MACROD2: variants seen among roughly 807,000 people sequenced by gnomAD.
MACROD2 encodes ADP-ribose glycohydrolase MACROD2.
In MACROD2, 36 loss-of-function variants were observed where a neutral mutation model predicts 70.4. The observed-to-expected ratio is 0.51, with a 90% CI of 0.39 to 0.68. The LOEUF (loss-of-function observed/expected upper bound fraction) is 0.68, where lower values mean the gene tolerates loss of function less well. Among genes scored for constraint, MACROD2 ranks in the 30% least tolerant of loss-of-function variants. MACROD2 has a pLI of 0.00. For missense variants in MACROD2, 496 were observed against 538.4 expected (o/e 0.92, Z 0.78); for synonymous variants, 172 against 178.8 (o/e 0.96, Z 0.30).
intron 6 of MACROD2, among the ~76,000 whole-genome samples, chr20:15,304,219 G>A (rs1282449589): frequency 1.3e-5 from 2 of 152,052 alleles, no homozygotes; most frequent in African/African-American, 4.8e-5. Flanking sequence ...AATTGAATCT[G>A]GTGAAAGAAA....
At chr20:15,360,778 C>G (rs1484022200) in intron 6 of MACROD2, among the ~76,000 whole-genome samples, 2 of 151,988 alleles carry the variant, frequency 1.3e-5, no homozygotes, top group African/African-American at 4.8e-5. Flanking sequence ...CCTCAATAGT[C>G]TTAATTTGTG....
At chr20:15,231,738 T>C (rs2076960944) in intron 6 of MACROD2, among the ~76,000 whole-genome samples, 1 of 152,040 alleles carries the variant, frequency 6.6e-6, no homozygotes, top group South Asian at 2.1e-4. Context: ...TAAGTTAACT[T>C]TTTAACAGAT....
intron 10 of MACROD2, 31 bp downstream of exon 10, chr20:15,885,842 G>C: frequency 6.7e-7 from 1 of 1,488,420 alleles, no homozygotes; most frequent in Non-Finnish European, 8.9e-7. Context: ...TTATTAGGGG[G>C]TAGGTAGGGG....
chr20:15,238,473 C>A (rs1160926165), intron 6 of MACROD2, among the ~76,000 whole-genome samples: 1 of 151,930 alleles, frequency 6.6e-6, no homozygotes, highest in African/African-American at 2.4e-5. Flanking sequence ...AGTTGTCCAT[C>A]AATCAGAAGA....
intron 8 of MACROD2, among the ~76,000 whole-genome samples, chr20:15,829,006 A>G (rs141876502): frequency 6.6e-6 from 1 of 152,318 alleles, no homozygotes; most frequent in Non-Finnish European, 1.5e-5. Flanking sequence ...TTTACAAACA[A>G]TTCTTTTCAA....
At position 15,684,076 on chromosome 20, in the gene MACROD2, G is replaced by A. The variant is rs114996523; in HGVS notation, c.646-178669G>A. Reference sequence around the variant, plus strand: ...TACTTCCATTTTAAACTATCCTTCTGTGTGTTTAAATCGCTTTCCTCATTT... The same window carrying A: ...TACTTCCATTTTAAACTATCCTTCTATGTGTTTAAATCGCTTTCCTCATTT... On this transcript the variant is annotated intron_variant, in intron 8 of 17. Coordinates refer to ENST00000684519, the MANE Select transcript of MACROD2 (RefSeq NM_001351661.2). Among the ~76,000 whole-genome samples the A allele has an allele frequency of 2.6e-3, 389 of 152,232 alleles. 2 individuals are homozygous for A. Among genetic ancestry groups the A allele is most frequent in the African/African-American group, 9.1e-3 (379 of 41,522 alleles).
At chr20:14,862,361 A>T (rs868338753) in intron 5 of MACROD2, among the ~76,000 whole-genome samples, 1 of 20,000 alleles carries the variant, frequency 5.0e-5, no homozygotes, top group Non-Finnish European at 7.6e-5. Context: ...ATATATATAT[A>T]AATATATATA....
At chr20:14,924,117 T>C (rs982827255) in intron 5 of MACROD2, among the ~76,000 whole-genome samples, 2 of 152,148 alleles carry the variant, frequency 1.3e-5, no homozygotes, top group African/African-American at 2.4e-5. Flanking sequence ...AAATCTTGCT[T>C]TTTCATAAAA....
At chr20:15,798,362 G>A (rs979530) in intron 8 of MACROD2, among the ~76,000 whole-genome samples, 1 of 151,604 alleles carries the variant, frequency 6.6e-6, no homozygotes, top group Non-Finnish European at 1.5e-5. Flanking sequence ...TAGGATACCC[G>A]CTCTGCCCTG....
chr20:15,637,029 A>G (rs1332240719), intron 8 of MACROD2, among the ~76,000 whole-genome samples: 1 of 152,218 alleles, frequency 6.6e-6, no homozygotes, highest in Non-Finnish European at 1.5e-5. Context: ...GGAATGCTGC[A>G]GATAAGATTC....
intron 5 of MACROD2, among the ~76,000 whole-genome samples, chr20:15,101,951 T>C (rs1463886193): frequency 6.6e-6 from 1 of 152,040 alleles, no homozygotes; most frequent in Non-Finnish European, 1.5e-5. Context: ...CTAGAATGTC[T>C]TCCTATAAGT....
chr20:15,992,977 T>G (rs765791021), intron 15 of MACROD2, among the ~76,000 whole-genome samples: 4 of 152,168 alleles, frequency 2.6e-5, no homozygotes, highest in Non-Finnish European at 5.9e-5. Flanking sequence ...CATAATATTG[T>G]TTTACATATA....
At chr20:15,684,948 T>G (rs1407544373) in intron 8 of MACROD2, among the ~76,000 whole-genome samples, 4 of 152,180 alleles carry the variant, frequency 2.6e-5, no homozygotes, top group Admixed American at 2.6e-4. Flanking sequence ...TTTGGGACAC[T>G]CATTTATAAG....
chr20:15,915,363 G>A (rs536458662), intron 10 of MACROD2, among the ~76,000 whole-genome samples: 160 of 152,140 alleles, frequency 1.1e-3, no homozygotes, highest in Non-Finnish European at 1.9e-3. Flanking sequence ...TGAAACAAAA[G>A]ATGCTCTTAT....
In MACROD2 at chr20:14,954,177, A is replaced by G. The variant is rs375845005; in HGVS notation, c.418+269218A>G. Among the ~76,000 whole-genome samples, 10 of 152,198 alleles carry G rather than the reference A, an allele frequency of 6.6e-5. No homozygotes were observed. The East Asian group carries it at 1.9e-3, about 29-fold the overall frequency. On this transcript the variant is annotated intron_variant, in intron 5 of 17. Transcript: ENST00000684519. ...AAACAAGCTTTCTAAATGAAAATCA[A>G]TACCTGGGACAGCTTATAAACTATT...
chr20:14,351,867 G>C (rs970898189), intron 3 of MACROD2, among the ~76,000 whole-genome samples: 1 of 152,136 alleles, frequency 6.6e-6, no homozygotes, highest in Non-Finnish European at 1.5e-5. Context: ...CTGTGGGTCT[G>C]TCATATATGG....
chr20:15,378,989 A>G (rs1056261907), intron 6 of MACROD2, among the ~76,000 whole-genome samples: 3 of 152,210 alleles, frequency 2.0e-5, no homozygotes, highest in Admixed American at 6.5e-5. Context: ...ATGTGAAGGA[A>G]TGCCTGGAAG....
At chr20:15,719,881 G>A (rs6043485) in intron 8 of MACROD2, among the ~76,000 whole-genome samples, 3 of 151,906 alleles carry the variant, frequency 2.0e-5, no homozygotes, top group Non-Finnish European at 4.4e-5. Flanking sequence ...CTGTACAATG[G>A]GACATCACTA....
intron 5 of MACROD2, among the ~76,000 whole-genome samples, chr20:14,983,202 C>A (rs530625624): frequency 7.9e-5 from 12 of 152,142 alleles, no homozygotes; most frequent in Non-Finnish European, 1.3e-4. Context: ...TTACCTAATG[C>A]CTGTACCCCC....
Sources: gnomAD v4.1 joint callset for allele counts (sites outside exome capture counted in the v4.1 genomes callset) on GRCh38, gnomAD v4.1.1 for gene constraint, MANE v1.5 for transcripts, NCBI Gene and HGNC (gene_info 2026-07-23, HGNC 2026-07-21) for gene names.